PCDH15: variants seen among roughly 807,000 people sequenced by gnomAD.
PCDH15 encodes the protein protocadherin-15.
In PCDH15, 129 loss-of-function variants were observed where a neutral mutation model predicts 178.5. The observed-to-expected ratio is 0.72, with a 90% CI of 0.63 to 0.84. PCDH15 has a LOEUF of 0.84. PCDH15 is among the 40% of genes least tolerant of loss of function. PCDH15 has a pLI of 0.00. For missense variants in PCDH15, 2,230 were observed against 2,099.9 expected, an observed-to-expected ratio of 1.06 and a Z score of -1.21; for synonymous variants, 800 against 732.0, an observed-to-expected ratio of 1.09 and a Z score of -1.50.
chr10:54,266,380 C>G (rs899815688), intron 8 of PCDH15, among the ~76,000 whole-genome samples: 3 of 151,680 alleles, frequency 2.0e-5, no homozygotes, highest in Non-Finnish European at 4.4e-5. Flanking sequence ...AACAACGTAA[C>G]ATTGCACCTA....
chr10:54,798,005 A>G (rs1464826992), intron 1 of PCDH15, among the ~76,000 whole-genome samples: 1 of 151,948 alleles, frequency 6.6e-6, no homozygotes, highest in Non-Finnish European at 1.5e-5. Flanking sequence ...ACATGCAACG[A>G]ATTAACATGT....
chr10:54,863,549 T>G (rs1479486542), intron 3 of PCDH15, among the ~76,000 whole-genome samples: 1 of 152,086 alleles, frequency 6.6e-6, no homozygotes, highest in Non-Finnish European at 1.5e-5. Context: ...CTCAAAATAA[T>G]ATATATATTT....
intron 1 of PCDH15, among the ~76,000 whole-genome samples, chr10:54,712,310 C>G (rs534227414): frequency 6.6e-6 from 1 of 151,596 alleles, no homozygotes; most frequent in Non-Finnish European, 1.5e-5. Flanking sequence ...CAAAGCATTT[C>G]GAAATTCATT....
At chr10:55,249,184 T>C (rs1446032516) in intron 1 of PCDH15, among the ~76,000 whole-genome samples, 1 of 152,200 alleles carries the variant, frequency 6.6e-6, no homozygotes, top group African/African-American at 2.4e-5. Flanking sequence ...GCAAATGCAG[T>C]AGAGATCTTG....
chr10:54,474,710 C>T (rs1398506120), intron 3 of PCDH15, among the ~76,000 whole-genome samples: 1 of 151,838 alleles, frequency 6.6e-6, no homozygotes, highest in African/African-American at 2.4e-5. Flanking sequence ...AAACACTAAA[C>T]AAAACATAAA....
chr10:55,352,553 A>G (rs1463193108), intron 2 of PCDH15, among the ~76,000 whole-genome samples: 5 of 152,186 alleles, frequency 3.3e-5, no homozygotes, highest in Middle Eastern at 3.2e-3. Context: ...AAGTTGCCAA[A>G]GAACACAATG....
intron 2 of PCDH15, among the ~76,000 whole-genome samples, chr10:55,494,102 A>AC (rs1258366996): frequency 5.9e-5 from 9 of 151,298 alleles, no homozygotes; most frequent in African/African-American, 2.2e-4. Flanking sequence ...CTGCTGTTGG[A>AC]TAAAATGTTC....
intron 1 of PCDH15, among the ~76,000 whole-genome samples, chr10:55,257,395 G>A (rs897247759): frequency 1.4e-4 from 22 of 152,166 alleles, no homozygotes; most frequent in African/African-American, 5.3e-4. Context: ...CGAGTTGAGA[G>A]AAGAAGGCTT....
chr10:54,044,797 C>T (rs1266890957), intron 18 of PCDH15, among the ~76,000 whole-genome samples: 1 of 152,144 alleles, frequency 6.6e-6, no homozygotes, highest in African/African-American at 2.4e-5. Flanking sequence ...TAAACTAAAG[C>T]CGCATCATTG....
At chr10:54,344,926 A>AAAG (rs1942984733) in intron 6 of PCDH15, among the ~76,000 whole-genome samples, 1 of 138,180 alleles carries the variant, frequency 7.2e-6, no homozygotes, top group Non-Finnish European at 1.6e-5. Flanking sequence ...AAAAAAAAAA[A>AAAG]CAAGACTCTA....
At chr10:55,345,387 C>A (rs924388004) in intron 2 of PCDH15, among the ~76,000 whole-genome samples, 4 of 151,924 alleles carry the variant, frequency 2.6e-5, no homozygotes, top group African/African-American at 4.8e-5. Flanking sequence ...TCAAGGCTCT[C>A]AAAGTGCCAT....
intron 16 of PCDH15, among the ~76,000 whole-genome samples, chr10:54,084,634 C>T (rs921739229): frequency 6.6e-6 from 1 of 151,998 alleles, no homozygotes; most frequent in Admixed American, 6.6e-5. Context: ...TAGAAAGTAG[C>T]AGAGGATATC....
At chr10:54,023,334 C>A in intron 18 of PCDH15, 137 bp from the exon 19 acceptor site, 1 of 700,806 alleles carries the variant, frequency 1.4e-6, no homozygotes, top group South Asian at 1.8e-5. Context: ...ATGACAATGA[C>A]AATACAATGC....
At position 54,732,788 on chromosome 10, in the gene PCDH15, A is replaced by G. The variant is rs530399758; in HGVS notation, c.-29+68137T>C. 9.2e-5 allele frequency among the ~76,000 whole-genome samples: 14 copies of G among 151,680 alleles called. No individual in the cohort carries two copies. The South Asian group carries it at 2.9e-3, about 31-fold the overall frequency. The stretch of plus-strand genomic sequence containing the variant: ...AGCATAGATGCAGAATTTCTTAACA[A>G]ATTATTAACAAATTGAATATGGCAA... On this transcript the variant is annotated intron_variant, in intron 1 of 37. Transcript: ENST00000644397.
intron 2 of PCDH15, among the ~76,000 whole-genome samples, chr10:55,475,263 T>C (rs546039165): frequency 6.6e-6 from 1 of 152,220 alleles, no homozygotes; most frequent in Admixed American, 6.6e-5. Flanking sequence ...ATCTTCAACA[T>C]AGGGGACCAA....
chr10:54,110,963 A>G (rs1248068319), intron 15 of PCDH15, among the ~76,000 whole-genome samples: 1 of 152,258 alleles, frequency 6.6e-6, no homozygotes, highest in East Asian at 1.9e-4. Flanking sequence ...CTCCAAATCA[A>G]CTAATTCTTG....
intron 2 of PCDH15, among the ~76,000 whole-genome samples, chr10:55,407,971 A>G (rs956014389): frequency 3.3e-5 from 5 of 152,072 alleles, no homozygotes; most frequent in African/African-American, 1.2e-4. Flanking sequence ...GTAAGCTGCA[A>G]AAAGGGATCA....
intron 2 of PCDH15, among the ~76,000 whole-genome samples, chr10:55,344,144 T>C (rs973645234): frequency 2.0e-5 from 3 of 152,076 alleles, no homozygotes; most frequent in African/African-American, 7.2e-5. Context: ...TGTATTCAGA[T>C]GGAAGTGTGC....
intron 8 of PCDH15, among the ~76,000 whole-genome samples, chr10:54,285,703 T>C (rs1405425374): frequency 6.6e-6 from 1 of 152,126 alleles, no homozygotes; most frequent in Non-Finnish European, 1.5e-5. Context: ...TATGATCCAG[T>C]CATTCTACTA....
Sources: gnomAD v4.1 joint callset for allele counts (sites outside exome capture counted in the v4.1 genomes callset) on GRCh38, gnomAD v4.1.1 for gene constraint, MANE v1.5 for transcripts, NCBI Gene and HGNC (gene_info 2026-07-23, HGNC 2026-07-21) for gene names.